Variants in PPP1R21 observed in about 807,000 individuals in gnomAD.
PPP1R21 encodes KLRAQ motif containing 1.
In PPP1R21, 85 loss-of-function variants were observed where a neutral mutation model predicts 112.8. The ratio of observed to expected loss-of-function variants is 0.75; its 90% confidence interval spans 0.63 to 0.90. PPP1R21 has a LOEUF of 0.90. Among genes scored for constraint, PPP1R21 ranks in the 40% least tolerant of loss-of-function variants. PPP1R21 has a pLI of 0.00. For synonymous variants in PPP1R21, 381 were observed against 322.3 expected (o/e 1.18, Z -1.95); for missense variants, 1,199 against 901.5 (o/e 1.33, Z -4.23).
At chr2:48,478,825 C>T (rs753278678) in intron 12 of PPP1R21, among the ~76,000 whole-genome samples, 22 of 152,320 alleles carry the variant, frequency 1.4e-4, no homozygotes, top group Admixed American at 2.6e-4. Flanking sequence ...TTTTAGAGTA[C>T]ACCCTTAGGC....
chr2:48,459,603 G>A (rs1430496497), intron 4 of PPP1R21, 151 bp from the exon 5 acceptor site: 1 of 767,652 alleles, frequency 1.3e-6, no homozygotes. Context: ...GATATCCTGT[G>A]AGGATTTAAT....
Position 48,507,282 on chromosome 2 carries a change from A to G in PPP1R21, c.1982A>G (p.Glu661Gly). 1 of 1,553,326 alleles carries G rather than the reference A, an allele frequency of 6.4e-7. No homozygotes were observed. Among genetic ancestry groups the G allele is most frequent in the East Asian group, 2.5e-5 (1 of 40,394 alleles). The change falls in exon 19 of 22, where the codon GAA becomes GGA. Residue 661 changes from glutamate to glycine, a missense_variant. Coordinates refer to ENST00000294952, the MANE Select transcript of PPP1R21 (RefSeq NM_001135629.3). ...RTSDSEVPDV[E>G]SREDLIKNHY... ...TGTTCTATTTAGGTTCCAGATGTGG[A>G]ATCTCGTGAAGACTTAATTAAAAAT... is the stretch of plus-strand genomic sequence containing the variant.
chr2:48,502,964 G>A (rs1051734255), intron 17 of PPP1R21, among the ~76,000 whole-genome samples: 1 of 152,052 alleles, frequency 6.6e-6, no homozygotes, highest in Non-Finnish European at 1.5e-5. Flanking sequence ...ACAGGTGTGA[G>A]CTGCCGCGCC....
Position 48,496,481 on chromosome 2 carries a change from T to G in PPP1R21, c.1692+710T>G, listed in dbSNP as rs558715294. Among the ~76,000 whole-genome samples the G allele has an allele frequency of 2.0e-5, 3 of 151,712 alleles. No individual in the cohort carries two copies. The South Asian group carries it at 6.2e-4, about 32-fold the overall frequency. ...TTATTGGGTTTTGGGTTTTTTTTTT[T>G]TTTTGAGATGGAGTCTCACTGTGTC... On this transcript the variant is annotated intron_variant, in intron 16 of 21. Coordinates refer to ENST00000294952, the MANE Select transcript of PPP1R21 (RefSeq NM_001135629.3).
At chr2:48,469,464 TAGAGC>T (rs1668386986) in intron 9 of PPP1R21, among the ~76,000 whole-genome samples, 1 of 32,430 alleles carries the variant, frequency 3.1e-5, no homozygotes, top group Admixed American at 3.9e-4. Context: ...TATATATATA[TAGAGC>T]ATATATATAT....
chr2:48,514,744 G>A lies in PPP1R21; in HGVS notation c.2343G>A (p.Ter781=), dbSNP rs566783362. ...ATTCTAAAAAGAACAAGAGTCGATA[G>A]TTTTGAAATAGCTGGTTGGCGACTG... The part of the protein sequence containing the change: ...KGNSKKNKSR[*] Residue 781 remains the stop codon, a stop_retained_variant, in exon 22 of 22, where the codon TAG becomes TAA. Transcript: ENST00000294952. The A allele has an allele frequency of 1.2e-6, 2 of 1,612,464 alleles. No homozygotes were observed. Among genetic ancestry groups the A allele is most frequent in the South Asian group, 1.1e-5 (1 of 91,020 alleles).
chr2:48,492,468 T>A (rs1669613461), intron 15 of PPP1R21, among the ~76,000 whole-genome samples: 1 of 152,248 alleles, frequency 6.6e-6, no homozygotes, highest in Admixed American at 6.5e-5. Context: ...TCCTTTTAGA[T>A]ACGGCATAGA....
intron 12 of PPP1R21, among the ~76,000 whole-genome samples, chr2:48,476,541 T>G (rs1317832374): frequency 6.6e-6 from 1 of 152,212 alleles, no homozygotes; most frequent in Non-Finnish European, 1.5e-5. Context: ...TTTTACAAAG[T>G]GCTGTACCAT....
chr2:48,476,814 T>C (rs1284385400), intron 12 of PPP1R21, among the ~76,000 whole-genome samples: 3 of 152,210 alleles, frequency 2.0e-5, no homozygotes, highest in South Asian at 4.1e-4. Context: ...TATTGAGTTA[T>C]AAGAGTTCTT....
intron 2 of PPP1R21, 129 bp from the exon 3 acceptor site, chr2:48,454,466 A>G (rs1346263965): frequency 9.3e-7 from 1 of 1,070,094 alleles, no homozygotes; most frequent in Non-Finnish European, 1.4e-6. Flanking sequence ...GAAGTGATAC[A>G]CATACAACCT....
intron 2 of PPP1R21, 105 bp downstream of exon 2, chr2:48,451,181 T>G: frequency 1.2e-6 from 1 of 850,186 alleles, no homozygotes; most frequent in Non-Finnish European, 2.0e-6. Context: ...CTGACACTGA[T>G]TCACTAGGGA....
intron 17 of PPP1R21, among the ~76,000 whole-genome samples, chr2:48,504,650 C>G (rs867142376): frequency 5.3e-5 from 8 of 150,046 alleles, no homozygotes; most frequent in Non-Finnish European, 1.2e-4. Flanking sequence ...CAGAAACAAA[C>G]AAACAAAAAA....
intron 15 of PPP1R21, among the ~76,000 whole-genome samples, chr2:48,491,694 A>C (rs965327100): frequency 6.6e-6 from 1 of 152,172 alleles, no homozygotes; most frequent in Non-Finnish European, 1.5e-5. Context: ...GTTTGAGTGC[A>C]CATGCACACA....
At chr2:48,486,142 G>C (rs1044760822) in intron 13 of PPP1R21, among the ~76,000 whole-genome samples, 1 of 152,064 alleles carries the variant, frequency 6.6e-6, no homozygotes, top group Non-Finnish European at 1.5e-5. Flanking sequence ...TGGCTGTGCA[G>C]ATACTTCTCA....
chr2:48,461,227 A>T lies in PPP1R21; in HGVS notation c.689A>T (p.Asp230Val). ...ATCAATGAAAAAGTACCTTTTAATG[A>T]TACAAGTAGGTATTATGTACAGTTT... is the stretch of plus-strand genomic sequence containing the variant. ...SIINEKVPFN[D>V]TKYSQYNALN... The change falls in exon 7 of 22, where the codon GAT becomes GTT. Residue 230 changes from aspartate to valine, a missense_variant. Coordinates refer to ENST00000294952, the MANE Select transcript of PPP1R21 (RefSeq NM_001135629.3). 6.4e-7 allele frequency: 1 copy of T among 1,573,714 alleles called. No individual in the cohort carries two copies. The highest frequency in any genetic ancestry group is 8.6e-7 in the Non-Finnish European group (1 of 1,167,104).
chr2:48,509,581 T>G (rs1200756649), intron 19 of PPP1R21, among the ~76,000 whole-genome samples: 6 of 151,824 alleles, frequency 4.0e-5, no homozygotes, highest in Non-Finnish European at 8.8e-5. Flanking sequence ...GGTGCATGCC[T>G]GTAATCCCAG....
In PPP1R21 at chr2:48,474,673, C is replaced by T. The variant is rs778014228; in HGVS notation, c.1089-10C>T. ...GGATGCTCACTTCTTAAAAATCTGCCTATTCCTAGTTTAGAAGAAGAATGT... is the reference window on the plus strand; with the variant it reads ...GGATGCTCACTTCTTAAAAATCTGCTTATTCCTAGTTTAGAAGAAGAATGT... On this transcript the variant is annotated splice_polypyrimidine_tract_variant and intron_variant, in intron 11 of 21. Transcript: ENST00000294952. 12 of 1,595,600 alleles carry T rather than the reference C, an allele frequency of 7.5e-6. No individual in the cohort carries two copies. The highest frequency in any genetic ancestry group is 1.0e-5 in the Non-Finnish European group (12 of 1,172,464).
intron 7 of PPP1R21, among the ~76,000 whole-genome samples, chr2:48,464,733 G>C (rs974804484): frequency 3.3e-5 from 5 of 151,930 alleles, no homozygotes; most frequent in African/African-American, 1.2e-4. Context: ...TTTTTTTTAA[G>C]CCTGAAGTTA....
At chr2:48,483,336 C>T (rs1669121228) in intron 13 of PPP1R21, among the ~76,000 whole-genome samples, 1 of 151,678 alleles carries the variant, frequency 6.6e-6, no homozygotes, top group South Asian at 2.1e-4. Context: ...TGTGCGTCAC[C>T]ATGCCGGCTA....
Sources: allele counts gnomAD v4.1 joint callset (sites outside exome capture counted in the v4.1 genomes callset), GRCh38; gene constraint gnomAD v4.1.1; transcripts MANE v1.5; gene names NCBI Gene and HGNC (gene_info 2026-07-23, HGNC 2026-07-21).